The following HORMAD2 variants were observed in gnomAD, a reference collection of about 807,000 sequenced individuals.
HORMAD2 encodes the protein HORMA domain-containing protein 2.
HORMAD2 carries 45 observed loss-of-function variants against 38.8 expected under a neutral mutation model. That is an observed-to-expected ratio of 1.16 (90% CI 0.91 to 1.49). The LOEUF (loss-of-function observed/expected upper bound fraction) is 1.49, where lower values mean the gene tolerates loss of function less well. Ranked by LOEUF, HORMAD2 falls within the 40% of genes most tolerant of loss-of-function variation. The probability of loss-of-function intolerance (pLI) is 0.00; values close to 1 mark genes in which losing one functional copy is unlikely to be tolerated. For synonymous variants in HORMAD2, 126 were observed against 122.8 expected (o/e 1.03, Z -0.17); for missense variants, 338 against 367.0 (o/e 0.92, Z 0.65).
chr22:30,154,099 C>T (rs764966900), intron 10 of HORMAD2, among the ~76,000 whole-genome samples: 6 of 152,258 alleles, frequency 3.9e-5, no homozygotes, highest in Middle Eastern at 3.4e-3. Flanking sequence ...TTTCAATTTC[C>T]CCTTACTTCC....
In HORMAD2 at chr22:30,098,952, G is replaced by T. The variant is rs1409240185; in HGVS notation, c.152G>T (p.Gly51Val). The change falls in exon 3 of 11, where the codon GGC (glycine) becomes GTC (valine). Residue 51 changes from glycine (G) to valine (V), a missense_variant. Gly to Val is a moderately radical substitution (Grantham distance 109, BLOSUM62 -3). Transcript: ENST00000336726. ...ATCTCATGTATAACATACCTAAGGG[G>T]CCTGTTTCCAGAGAGCTCTTATGGA... is the stretch of plus-strand genomic sequence containing the variant. Reference protein sequence around the residue: ...TSISCITYLRGLFPESSYGER... With the variant: ...TSISCITYLRVLFPESSYGER... 1.4e-5 allele frequency: 23 copies of T among 1,612,808 alleles called. No individual in the cohort carries two copies. The East Asian group carries it at 5.1e-4, about 36-fold the overall frequency.
rs1230298692 is a variant in HORMAD2, at chr22:30,176,697, A to T, written c.*530A>T. 1 of 153,054 alleles carries T rather than the reference A, an allele frequency of 6.5e-6. No individual in the cohort carries two copies. Among genetic ancestry groups the T allele is most frequent in the Non-Finnish European group, 1.5e-5 (1 of 68,312 alleles). The allele number at this position is 153,054 out of a possible 1,614,324, so 9.5% of individuals were successfully genotyped here. On this transcript the variant is annotated 3_prime_UTR_variant, in exon 11 of 11. Coordinates refer to ENST00000336726, the MANE Select transcript of HORMAD2 (RefSeq NM_152510.4). Reference sequence around the variant, plus strand: ...TTGATCAGCTAATTGTGGGACCAAAATGTGCCCTGCCTCAACTCTGGCCCC... The same window carrying T: ...TTGATCAGCTAATTGTGGGACCAAATTGTGCCCTGCCTCAACTCTGGCCCC...
In HORMAD2 at chr22:30,084,477, A is replaced by G. The variant is rs1376005914; in HGVS notation, c.-38+3986A>G. Among the ~76,000 whole-genome samples, 6 of 152,126 alleles carry G rather than the reference A, an allele frequency of 3.9e-5. No individual in the cohort carries two copies. The East Asian group carries it at 9.6e-4, about 24-fold the overall frequency. On this transcript the variant is annotated intron_variant, in intron 1 of 10. Transcript: ENST00000336726. ...TGAGGATTAAGCTTCCAAAATATGA[A>G]CTTTGGGATACACATTCAAACCATA...
At chr22:30,201,299 G>T in the HORMAD2 span, among the ~76,000 whole-genome samples, 1 of 151,826 alleles carries the variant, frequency 6.6e-6, no homozygotes, top group African/African-American at 2.4e-5. Context: ...ACAGCTATCA[G>T]CCATTGCACT....
At chr22:30,126,983 G>A (rs1182933519) in intron 10 of HORMAD2, among the ~76,000 whole-genome samples, 1 of 151,826 alleles carries the variant, frequency 6.6e-6, no homozygotes, top group Non-Finnish European at 1.5e-5. Flanking sequence ...TATGTTTATT[G>A]GCCATGTTGA....
downstream of HORMAD2, among the ~76,000 whole-genome samples, chr22:30,178,139 A>C (rs547417540): frequency 3.1e-5 from 3 of 96,878 alleles, no homozygotes; most frequent in South Asian, 6.4e-4. Flanking sequence ...CTACTGAGTA[A>C]TTAGTTAATC....
At chr22:30,188,506 G>A in the HORMAD2 span, among the ~76,000 whole-genome samples, 1 of 152,162 alleles carries the variant, frequency 6.6e-6, no homozygotes, top group Admixed American at 6.5e-5. Flanking sequence ...GAGGGCCAAG[G>A]GCCAACTTTT....
intron 10 of HORMAD2, among the ~76,000 whole-genome samples, chr22:30,129,011 G>A (rs895370783): frequency 2.6e-5 from 4 of 151,996 alleles, no homozygotes; most frequent in East Asian, 3.9e-4. Context: ...TCAGGAGATC[G>A]AGGCCGTCCG....
the HORMAD2 span, among the ~76,000 whole-genome samples, chr22:30,203,606 C>A: frequency 1.3e-5 from 2 of 152,134 alleles, no homozygotes; most frequent in African/African-American, 4.8e-5. Flanking sequence ...TTCACCCTTC[C>A]GGCACATGCA....
intron 10 of HORMAD2, among the ~76,000 whole-genome samples, chr22:30,153,950 T>A (rs1924913872): frequency 6.6e-6 from 1 of 152,200 alleles, no homozygotes; most frequent in Non-Finnish European, 1.5e-5. Context: ...AGTGGTCTCC[T>A]TGCTTTCATT....
At chr22:30,094,128 C>A in intron 2 of HORMAD2, 125 bp downstream of exon 2, 1 of 652,132 alleles carries the variant, frequency 1.5e-6, no homozygotes, top group South Asian at 2.4e-5. Context: ...ACATAATATT[C>A]TGGGAGAGTA....
chr22:30,152,691 A>G (rs1378023820), intron 10 of HORMAD2, among the ~76,000 whole-genome samples: 1 of 152,158 alleles, frequency 6.6e-6, no homozygotes, highest in East Asian at 1.9e-4. Flanking sequence ...TTTCTATGAT[A>G]TACTTCTCAT....
At chr22:30,188,502 C>G in the HORMAD2 span, among the ~76,000 whole-genome samples, 18,030 of 152,204 alleles carry the variant, frequency 0.12, 2,050 homozygotes, top group African/African-American at 0.28. Context: ...AGAGGAGGGC[C>G]AAGGGCCAAC....
At chr22:30,185,873 A>T in the HORMAD2 span, among the ~76,000 whole-genome samples, 1 of 151,958 alleles carries the variant, frequency 6.6e-6, no homozygotes, top group Non-Finnish European at 1.5e-5. Flanking sequence ...AAAAAAAAAA[A>T]ATAAAAAGAG....
downstream of HORMAD2, among the ~76,000 whole-genome samples, chr22:30,180,747 G>GATTCCTTC (rs1926661364): frequency 6.6e-6 from 1 of 151,762 alleles, no homozygotes; most frequent in Non-Finnish European, 1.5e-5. Context: ...AGGAACTTAG[G>GATTCCTTC]ATTCCTTCTT....
At chr22:30,165,467 T>A (rs1390800205) in intron 10 of HORMAD2, among the ~76,000 whole-genome samples, 3 of 152,170 alleles carry the variant, frequency 2.0e-5, no homozygotes, top group African/African-American at 7.2e-5. Context: ...TTGAGAAAGG[T>A]TGTGTTGAGT....
At chr22:30,137,281 C>T in intron 10 of HORMAD2, 1 of 536,676 alleles carries the variant, frequency 1.9e-6, no homozygotes. Flanking sequence ...ACCCTTGAGG[C>T]CATCAGATGC....
intron 10 of HORMAD2, among the ~76,000 whole-genome samples, chr22:30,136,115 A>G (rs1390541365): frequency 3.3e-5 from 5 of 152,240 alleles, no homozygotes; most frequent in Admixed American, 1.3e-4. Flanking sequence ...TCTTCAAAGT[A>G]TGGAAACAAT....
At chr22:30,174,081 A>G (rs922562230) in intron 10 of HORMAD2, among the ~76,000 whole-genome samples, 4 of 152,146 alleles carry the variant, frequency 2.6e-5, no homozygotes, top group Non-Finnish European at 5.9e-5. Flanking sequence ...TGGATACTCT[A>G]CTCCTGAGGC....
Sources: gnomAD v4.1 joint callset for allele counts (sites outside exome capture counted in the v4.1 genomes callset) on GRCh38, gnomAD v4.1.1 for gene constraint, MANE v1.5 for transcripts, NCBI Gene and HGNC (gene_info 2026-07-23, HGNC 2026-07-21) for gene names.